POM121C: variants seen among roughly 807,000 people sequenced by gnomAD.
The protein encoded by POM121C is nuclear envelope pore membrane protein POM 121C.
POM121C carries 20 observed loss-of-function variants against 66.4 expected under a neutral mutation model. The observed-to-expected ratio is 0.30, with a 90% CI of 0.21 to 0.44. POM121C has a LOEUF of 0.44. POM121C is among the 20% of genes least tolerant of loss of function. The pLI is 1.00. For synonymous variants in POM121C, 286 were observed against 528.0 expected, an observed-to-expected ratio of 0.54 and a Z score of 6.28; for missense variants, 580 against 1,225.7, an observed-to-expected ratio of 0.47 and a Z score of 7.87.
chr7:75,468,611 G>A (rs2116507030), intron 3 of POM121C, among the ~76,000 whole-genome samples: 1 of 152,068 alleles, frequency 6.6e-6, no homozygotes, highest in African/African-American at 2.4e-5. Flanking sequence ...GAGCCAACAC[G>A]CCTGACTGAC....
intron 7 of POM121C, 83 bp downstream of exon 7, chr7:75,437,432 G>A: frequency 1.3e-6 from 2 of 1,504,358 alleles, no homozygotes; most frequent in East Asian, 2.3e-5. Flanking sequence ...GGGATTACAT[G>A]GCTAAGCTAC....
At chr7:75,482,957 G>T (rs1227662514) in intron 1 of POM121C, among the ~76,000 whole-genome samples, 11 of 152,212 alleles carry the variant, frequency 7.2e-5, no homozygotes, top group Non-Finnish European at 1.5e-4. Context: ...ACACGGAGAA[G>T]TGAAATGAGA....
intron 3 of POM121C, among the ~76,000 whole-genome samples, chr7:75,452,127 G>A (rs1232439289): frequency 6.6e-6 from 1 of 151,842 alleles, no homozygotes; most frequent in Non-Finnish European, 1.5e-5. Flanking sequence ...TCGCGCTGCT[G>A]CATTCCAGCC....
intron 13 of POM121C, chr7:75,420,585 C>G (rs1448096505): frequency 2.6e-5 from 4 of 152,162 alleles, no homozygotes; most frequent in Non-Finnish European, 5.9e-5. Context: ...CCCCACTGTC[C>G]AAAATGACTA....
chr7:75,453,583 A>G (rs1488776684), intron 3 of POM121C, among the ~76,000 whole-genome samples: 1 of 140,380 alleles, frequency 7.1e-6, no homozygotes, highest in Non-Finnish European at 1.6e-5. Flanking sequence ...ACTCGGACTC[A>G]AAAAAAAAAA....
At chr7:75,420,629 C>T (rs385161) in intron 13 of POM121C, 5 of 152,208 alleles carry the variant, frequency 3.3e-5, no homozygotes, top group East Asian at 1.9e-4. Context: ...CACTTTATCC[C>T]GACCTTCCCT....
Position 75,486,153 on chromosome 7 carries a change from T to G in POM121C, c.-747A>C. On this transcript the variant is annotated 5_prime_UTR_variant, in exon 1 of 15. Coordinates refer to ENST00000615331, the MANE Select transcript of POM121C (RefSeq NM_001099415.3). ...GCCTCTACCCGGCCCGCGCGAACCC[T>G]GGGCCGCACAGCTCCCGCCCGCCTA... 1 of 326,450 alleles carries G rather than the reference T, an allele frequency of 3.1e-6. No homozygotes were observed. Among genetic ancestry groups the G allele is most frequent in the South Asian group, 2.2e-5 (1 of 44,670 alleles). The allele number at this position is 326,450 out of a possible 1,614,324, so 20.2% of individuals were successfully genotyped here.
chr7:75,467,218 G>A (rs1242111920), intron 3 of POM121C, among the ~76,000 whole-genome samples: 1 of 152,138 alleles, frequency 6.6e-6, no homozygotes, highest in Non-Finnish European at 1.5e-5. Flanking sequence ...CAAAAAATCT[G>A]GTGCTCAAGT....
In POM121C at chr7:75,441,510, G is replaced by A. The variant is rs782439484; in HGVS notation, c.-14C>T. 4.3e-6 allele frequency: 7 copies of A among 1,613,884 alleles called. No homozygotes were observed. Among genetic ancestry groups the A allele is most frequent in the African/African-American group, 1.3e-5 (1 of 75,032 alleles). ...GCTACACACCATCCTGGAGTTGCGA[G>A]GGGACAGCACAGCCTTCTTGTGATA... On this transcript the variant is annotated 5_prime_UTR_variant, in exon 4 of 15. Transcript: ENST00000615331.
chr7:75,439,373 T>G, intron 5 of POM121C, 149 bp from the exon 6 acceptor site: 2 of 1,262,688 alleles, frequency 1.6e-6, no homozygotes, highest in Non-Finnish European at 2.2e-6. Flanking sequence ...AATCCCTAAG[T>G]TTCTGAAAGG....
intron 7 of POM121C, 109 bp downstream of exon 7, chr7:75,437,406 G>C: frequency 7.0e-7 from 1 of 1,422,854 alleles, no homozygotes; most frequent in Non-Finnish European, 9.4e-7. Flanking sequence ...CTCCCGCTTT[G>C]GCCTTCCAAA....
intron 3 of POM121C, among the ~76,000 whole-genome samples, chr7:75,471,850 C>T (rs61525887): frequency 3.9e-5 from 6 of 152,156 alleles, no homozygotes; most frequent in Admixed American, 2.0e-4. Flanking sequence ...TTAACATTAC[C>T]GTACACTTAA....
chr7:75,481,748 C>T (rs1408175571), intron 1 of POM121C, among the ~76,000 whole-genome samples: 1 of 152,104 alleles, frequency 6.6e-6, no homozygotes, highest in Non-Finnish European at 1.5e-5. Context: ...ATCACTTGAG[C>T]ACAGGAGTTT....
intron 7 of POM121C, among the ~76,000 whole-genome samples, chr7:75,429,682 G>C (rs1230723273): frequency 3.7e-5 from 4 of 108,304 alleles, no homozygotes; most frequent in Non-Finnish European, 7.6e-5. Context: ...TACAAGAGAA[G>C]TAAAACTTCT....
At chr7:75,464,595 T>A in intron 3 of POM121C, among the ~76,000 whole-genome samples, 1 of 147,430 alleles carries the variant, frequency 6.8e-6, no homozygotes, top group East Asian at 2.0e-4. Context: ...TGAGACCCTG[T>A]CTCAATAAAA....
At chr7:75,433,396 C>T (rs1489153585) in intron 7 of POM121C, among the ~76,000 whole-genome samples, 1 of 151,860 alleles carries the variant, frequency 6.6e-6, no homozygotes, top group Non-Finnish European at 1.5e-5. Context: ...CGCTCTGTCG[C>T]CCAGGCTGGA....
intron 1 of POM121C, among the ~76,000 whole-genome samples, chr7:75,482,506 G>C (rs1248137133): frequency 6.6e-6 from 1 of 152,134 alleles, no homozygotes; most frequent in Admixed American, 6.6e-5. Flanking sequence ...TGCATGACAC[G>C]GTGAAAGCCA....
chr7:75,430,671 T>G (rs79012499), intron 7 of POM121C, among the ~76,000 whole-genome samples: 11,096 of 152,152 alleles, frequency 0.073, 508 homozygotes, highest in Non-Finnish European at 0.1. Flanking sequence ...TACAAGGAAG[T>G]AGAATGGCAA....
At chr7:75,466,476 T>C (rs1349411783) in intron 3 of POM121C, among the ~76,000 whole-genome samples, 3 of 151,840 alleles carry the variant, frequency 2.0e-5, no homozygotes, top group African/African-American at 7.3e-5. Context: ...CGTGATTGCA[T>C]GTGCCTATAA....
Sources: gnomAD v4.1 joint callset for allele counts (sites outside exome capture counted in the v4.1 genomes callset) on GRCh38, gnomAD v4.1.1 for gene constraint, MANE v1.5 for transcripts, NCBI Gene and HGNC (gene_info 2026-07-23, HGNC 2026-07-21) for gene names.